Variants in SYNDIG1 observed in about 807,000 individuals in gnomAD.
The protein encoded by SYNDIG1 is synapse differentiation inducing 1.
Under a neutral mutation model 19.4 loss-of-function variants are expected in SYNDIG1, and 9 were observed. The observed-to-expected ratio is 0.46, with a 90% CI of 0.28 to 0.81. The LOEUF (loss-of-function observed/expected upper bound fraction) is 0.81, where lower values mean the gene tolerates loss of function less well. SYNDIG1 is among the 30% of genes least tolerant of loss of function. The pLI, the probability that SYNDIG1 is intolerant of heterozygous loss-of-function variation, is 0.12. For missense variants in SYNDIG1, 311 were observed against 343.3 expected (o/e 0.91, Z 0.74); for synonymous variants, 141 against 145.9 (o/e 0.97, Z 0.24).
intron 1 of SYNDIG1, among the ~76,000 whole-genome samples, chr20:24,536,739 G>A (rs6138316): frequency 6.6e-6 from 1 of 151,898 alleles, no homozygotes; most frequent in Non-Finnish European, 1.5e-5. Flanking sequence ...CCCATGTCTC[G>A]CAGGGAGGAC....
intron 3 of SYNDIG1, among the ~76,000 whole-genome samples, chr20:24,635,456 A>G (rs978363927): frequency 7.2e-5 from 11 of 152,120 alleles, no homozygotes; most frequent in Non-Finnish European, 1.3e-4. Context: ...AAGAGAACCT[A>G]TTGCTATGAT....
chr20:24,563,161 C>T (rs558840763), intron 2 of SYNDIG1, among the ~76,000 whole-genome samples: 9 of 152,164 alleles, frequency 5.9e-5, no homozygotes, highest in Admixed American at 3.3e-4. Context: ...TAGATGTGTT[C>T]GATGGCTTAT....
intron 2 of SYNDIG1, among the ~76,000 whole-genome samples, chr20:24,550,548 G>A (rs1600595736): frequency 4.1e-5 from 6 of 147,668 alleles, no homozygotes; most frequent in Admixed American, 2.7e-4. Flanking sequence ...TCTCTCTGTC[G>A]CCCAGGCTGG....
intron 3 of SYNDIG1, among the ~76,000 whole-genome samples, chr20:24,591,449 C>T: frequency 6.8e-6 from 1 of 146,228 alleles, no homozygotes; most frequent in African/African-American, 2.5e-5. Flanking sequence ...ATCTAGTTAT[C>T]TTTTTTTTTT....
At chr20:24,505,728 A>G (rs2056574846) in intron 1 of SYNDIG1, among the ~76,000 whole-genome samples, 1 of 152,232 alleles carries the variant, frequency 6.6e-6, no homozygotes, top group Non-Finnish European at 1.5e-5. Flanking sequence ...ACATCAGGGC[A>G]CAGTGGAGCT....
intron 1 of SYNDIG1, among the ~76,000 whole-genome samples, chr20:24,493,989 G>A (rs1016070074): frequency 6.6e-6 from 1 of 152,230 alleles, no homozygotes; most frequent in African/African-American, 2.4e-5. Context: ...ACAGAGCCGC[G>A]GATACTGGCC....
chr20:24,633,217 T>C (rs769762346), intron 3 of SYNDIG1, among the ~76,000 whole-genome samples: 4 of 152,182 alleles, frequency 2.6e-5, no homozygotes, highest in Non-Finnish European at 5.9e-5. Flanking sequence ...CAGAATGTCC[T>C]GGCCGCAATC....
intron 3 of SYNDIG1, among the ~76,000 whole-genome samples, chr20:24,656,080 G>A (rs2059522489): frequency 6.6e-6 from 1 of 152,230 alleles, no homozygotes; most frequent in South Asian, 2.1e-4. Flanking sequence ...ATGAGGGACA[G>A]TGAGGGGGCA....
At chr20:24,643,071 A>T (rs1450635001) in intron 3 of SYNDIG1, among the ~76,000 whole-genome samples, 1 of 151,914 alleles carries the variant, frequency 6.6e-6, no homozygotes, top group Non-Finnish European at 1.5e-5. Flanking sequence ...ATGCATAATT[A>T]TTTATGTACA....
At chr20:24,661,583 G>GAGGGA (rs2059603575) in intron 3 of SYNDIG1, among the ~76,000 whole-genome samples, 1 of 125,512 alleles carries the variant, frequency 8.0e-6, no homozygotes, top group East Asian at 2.6e-4. Flanking sequence ...AGGGAGGAGG[G>GAGGGA]AGATGGGAAT....
At chr20:24,506,602 C>T (rs546220020) in intron 1 of SYNDIG1, among the ~76,000 whole-genome samples, 1 of 152,320 alleles carries the variant, frequency 6.6e-6, no homozygotes, top group East Asian at 1.9e-4. Flanking sequence ...TCTCTGGAAG[C>T]CCAGCCTGGC....
In SYNDIG1 at chr20:24,470,245, G is replaced by A. The variant is rs541395184; in HGVS notation, c.-79+492G>A. ...ACCAGCCAGGGCTGGTGAGCCGGGC[G>A]GCCACGGAGCTGGGGACCTAGGTCT... On this transcript the variant is annotated intron_variant, in intron 1 of 3. Transcript: ENST00000376862. Among the ~76,000 whole-genome samples, 286 of 152,350 alleles carry A rather than the reference G, an allele frequency of 1.9e-3. 1 individual carries two copies. The highest frequency in any genetic ancestry group is 6.5e-3 in the African/African-American group (272 of 41,590).
intron 3 of SYNDIG1, among the ~76,000 whole-genome samples, chr20:24,588,686 G>T (rs915988295): frequency 6.6e-6 from 1 of 152,198 alleles, no homozygotes; most frequent in Non-Finnish European, 1.5e-5. Context: ...ATGTCTTTTG[G>T]AAGAAATGAC....
chr20:24,489,449 A>T (rs534328227), intron 1 of SYNDIG1, among the ~76,000 whole-genome samples: 2 of 151,412 alleles, frequency 1.3e-5, no homozygotes, highest in East Asian at 3.9e-4. Flanking sequence ...GCACACACAG[A>T]CACATGCACA....
At chr20:24,646,634 T>A (rs73347217) in intron 3 of SYNDIG1, among the ~76,000 whole-genome samples, 1 of 152,094 alleles carries the variant, frequency 6.6e-6, no homozygotes, top group Non-Finnish European at 1.5e-5. Flanking sequence ...GTATTTTTTT[T>A]TTTTTGAGAT....
intron 2 of SYNDIG1, among the ~76,000 whole-genome samples, chr20:24,550,130 T>G (rs768195783): frequency 1.3e-5 from 2 of 152,198 alleles, no homozygotes; most frequent in Non-Finnish European, 2.9e-5. Flanking sequence ...GGCTTGAGGA[T>G]GGGGCTTTGC....
At chr20:24,527,538 C>CTTTTA (rs371733636) in intron 1 of SYNDIG1, among the ~76,000 whole-genome samples, 1 of 132,750 alleles carries the variant, frequency 7.5e-6, no homozygotes, top group East Asian at 2.3e-4. Context: ...CTTTTCTTTT[C>CTTTTA]TTTCCTTCCT....
chr20:24,488,361 A>C (rs1372417733), intron 1 of SYNDIG1, among the ~76,000 whole-genome samples: 1 of 152,232 alleles, frequency 6.6e-6, no homozygotes, highest in Non-Finnish European at 1.5e-5. Context: ...ACACATACAA[A>C]GTGCTTCGCC....
intron 3 of SYNDIG1, among the ~76,000 whole-genome samples, chr20:24,628,772 C>T (rs2059196813): frequency 6.6e-6 from 1 of 152,166 alleles, no homozygotes; most frequent in Admixed American, 6.5e-5. Context: ...CCAAATGCAT[C>T]GCGCTAGGGC....
Sources: gnomAD v4.1 joint callset for allele counts (sites outside exome capture counted in the v4.1 genomes callset) on GRCh38, gnomAD v4.1.1 for gene constraint, MANE v1.5 for transcripts, NCBI Gene and HGNC (gene_info 2026-07-23, HGNC 2026-07-21) for gene names.